IGSF9B: variants seen among roughly 807,000 people sequenced by gnomAD.
IGSF9B encodes the protein immunoglobulin superfamily member 9B.
A neutral mutation model predicts 143.7 loss-of-function variants in IGSF9B; 48 were observed. The observed-to-expected ratio is 0.33, with a 90% confidence interval of 0.26 to 0.42. The LOEUF (loss-of-function observed/expected upper bound fraction) is 0.42, where lower values mean the gene tolerates loss of function less well. IGSF9B is among the 20% of genes least tolerant of loss of function. IGSF9B has a pLI of 1.00. For synonymous variants in IGSF9B, 903 were observed against 833.1 expected (o/e 1.08, Z -1.44); for missense variants, 1,706 against 1,980.0 (o/e 0.86, Z 2.63).
chr11:133,944,402 A>T (rs941631211), intron 2 of IGSF9B, 36 bp from the exon 3 acceptor site: 5 of 1,609,594 alleles, frequency 3.1e-6, no homozygotes, highest in Non-Finnish European at 4.2e-6. Context: ...CCCACAGGCC[A>T]TCAGGTAAGG....
rs775830934 is a variant in IGSF9B, at chr11:133,931,800, C to G, written c.1111-5G>C. On this transcript the variant is annotated splice_polypyrimidine_tract_variant and splice_region_variant and intron_variant, in intron 8 of 19. Transcript: ENST00000533871. The surrounding 1 kb of genome is among the most constrained non-coding windows in gnomAD (Gnocchi z 7.7). ...CATCAGGGTCCAACCGAGGTTCTGC[C>G]AGACACAGACGATAGGGCAGGGAAC... is the stretch of plus-strand genomic sequence containing the variant. 1.4e-5 allele frequency: 22 copies of G among 1,611,336 alleles called. No homozygotes were observed. The South Asian group carries it at 2.3e-4, about 17-fold the overall frequency.
At chr11:133,922,101 C>G (rs1027044573) in intron 17 of IGSF9B, 76 bp downstream of exon 17, 2 of 1,218,660 alleles carry the variant, frequency 1.6e-6, no homozygotes, top group Non-Finnish European at 1.2e-6. Context: ...TAACATGGGG[C>G]TGGGTAAGGC....
Position 133,930,967 on chromosome 11 carries a change from C to A in IGSF9B, c.1519+17G>T, listed in dbSNP as rs377622319. 3 of 1,599,582 alleles carry A rather than the reference C, an allele frequency of 1.9e-6. No individual in the cohort carries two copies. The highest frequency in any genetic ancestry group is 2.6e-6 in the Non-Finnish European group (3 of 1,172,376). ...GCTCTGTCCCCGCCGCCCGGCCCAG[C>A]CTTGCCGGCCACGTACCGATGACGG... On this transcript the variant is annotated intron_variant, in intron 11 of 19. Coordinates refer to ENST00000533871, the MANE Select transcript of IGSF9B (RefSeq NM_001277285.4).
rs759978244 is a variant in IGSF9B at position 133,944,191 on chromosome 11, G to A, written c.409+29C>T. 6 of 1,573,412 alleles carry A rather than the reference G, an allele frequency of 3.8e-6. No individual in the cohort carries two copies. In the Admixed American group the frequency reaches 1.0e-4, roughly 27 times the overall value. ...GCCCTCAGGCACCGTTGATGGTGAG[G>A]TGGACCCACCCTGGAAGCCGTCACT... On this transcript the variant is annotated intron_variant, in intron 3 of 19. Coordinates refer to ENST00000533871, the MANE Select transcript of IGSF9B (RefSeq NM_001277285.4).
chr11:133,946,266 G>C lies in IGSF9B; in HGVS notation c.65-8C>G. 1 of 1,611,634 alleles carries C rather than the reference G, an allele frequency of 6.2e-7. No homozygotes were observed. Among genetic ancestry groups the C allele is most frequent in the Non-Finnish European group, 8.5e-7 (1 of 1,178,986 alleles). On this transcript the variant is annotated splice_polypyrimidine_tract_variant and splice_region_variant and intron_variant, in intron 1 of 19. Coordinates refer to ENST00000533871, the MANE Select transcript of IGSF9B (RefSeq NM_001277285.4). ...CTCGCAGGCCGTGGGCGCCTGATGG[G>C]GACGGCCAGGTTGGACACAGAAAGG... is the stretch of plus-strand genomic sequence containing the variant.
At chr11:133,934,376 C>A (rs1591718994) in intron 7 of IGSF9B, among the ~76,000 whole-genome samples, 1 of 152,344 alleles carries the variant, frequency 6.6e-6, no homozygotes, top group East Asian at 1.9e-4. Flanking sequence ...ACGGGTCTCT[C>A]CTTCCTGCAG....
chr11:133,923,754 CCT>C (rs1409480209), intron 15 of IGSF9B, among the ~76,000 whole-genome samples: 16 of 152,356 alleles, frequency 1.1e-4, no homozygotes, highest in African/African-American at 2.6e-4. Flanking sequence ...TCCTCCTTCC[CCT>C]GTGTGGAAGT....
rs1939676581 is a variant in IGSF9B, at chr11:133,928,972, GAAT to G, written c.1631+696_1631+698del. On this transcript the variant is annotated intron_variant, in intron 12 of 19. Transcript: ENST00000533871. The surrounding 1 kb of genome is among the most constrained non-coding windows in gnomAD (Gnocchi z 4.7). ...TTCTGTGGCCTCTGGGGAAAAGACA[GAAT>G]AAAAACTAGACTACAGGAGGTGGGG... 6.6e-6 allele frequency among the ~76,000 whole-genome samples: 1 copy of G among 152,164 alleles called. No homozygotes were observed. The highest frequency in any genetic ancestry group is 2.4e-5 in the African/African-American group (1 of 41,442).
In IGSF9B at chr11:133,918,868, G is replaced by A. The variant is rs61908382; in HGVS notation, c.3983+874C>T. On this transcript the variant is annotated intron_variant, in intron 18 of 19. Coordinates refer to ENST00000533871, the MANE Select transcript of IGSF9B (RefSeq NM_001277285.4). ...CCGGGGGCACTACAGAGGCGTGGCC[G>A]GCTCTTCCGAACCCAAAGGCGATGG... Among the ~76,000 whole-genome samples, 215 of 151,712 alleles carry A rather than the reference G, an allele frequency of 1.4e-3. 1 individual carries two copies. The highest frequency in any genetic ancestry group is 2.8e-3 in the Non-Finnish European group (188 of 67,878).
At chr11:133,916,368 G>A (rs1420718859) in intron 18 of IGSF9B, among the ~76,000 whole-genome samples, 3 of 152,324 alleles carry the variant, frequency 2.0e-5, no homozygotes, top group African/African-American at 2.4e-5. Flanking sequence ...GAGAACGCAC[G>A]TGGACAAGAG....
rs1248397809 is a variant in IGSF9B at position 133,898,651 on chromosome 11, T to C, written c.*10418A>G. 6.5e-6 allele frequency: 1 copy of C among 154,264 alleles called. No individual in the cohort carries two copies. Among genetic ancestry groups the C allele is most frequent in the Non-Finnish European group, 1.5e-5 (1 of 68,200 alleles). 9.6% of individuals were successfully genotyped at this position (154,264 alleles called of 1,614,324 possible). A position where few individuals can be genotyped will look rare whatever the true frequency, so the allele number is the denominator to read the frequency against. ...ATGGGAGGTCAAGACCTTCTGACAC[T>C]GATACAGACGACTTAGCAAGTGGAG... On this transcript the variant is annotated 3_prime_UTR_variant, in exon 20 of 20. Coordinates refer to ENST00000533871, the MANE Select transcript of IGSF9B (RefSeq NM_001277285.4).
At position 133,928,982 on chromosome 11, in the gene IGSF9B, T is replaced by C. The variant is rs768186295; in HGVS notation, c.1631+689A>G. Among the ~76,000 whole-genome samples the C allele has an allele frequency of 5.3e-5, 8 of 152,086 alleles. No individual in the cohort carries two copies. Among genetic ancestry groups the C allele is most frequent in the Non-Finnish European group, 8.8e-5 (6 of 68,000 alleles). Reference sequence around the variant, plus strand: ...TCTGGGGAAAAGACAGAATAAAAACTAGACTACAGGAGGTGGGGAGGGTGA... The same window carrying C: ...TCTGGGGAAAAGACAGAATAAAAACCAGACTACAGGAGGTGGGGAGGGTGA... On this transcript the variant is annotated intron_variant, in intron 12 of 19. Coordinates refer to ENST00000533871, the MANE Select transcript of IGSF9B (RefSeq NM_001277285.4). The surrounding 1 kb of genome is among the most constrained non-coding windows in gnomAD (Gnocchi z 4.7).
At chr11:133,911,513 T>C (rs1387923000) in intron 19 of IGSF9B, among the ~76,000 whole-genome samples, 3 of 152,230 alleles carry the variant, frequency 2.0e-5, no homozygotes, top group Non-Finnish European at 2.9e-5. Context: ...TCTGTACTAT[T>C]TGTGTTGTTT....
intron 1 of IGSF9B, among the ~76,000 whole-genome samples, chr11:133,947,230 A>G (rs555831198): frequency 2.0e-5 from 3 of 152,070 alleles, no homozygotes; most frequent in Non-Finnish European, 4.4e-5. Context: ...CCTGGGCCCA[A>G]AGAAGGCATG....
intron 14 of IGSF9B, 59 bp downstream of exon 14, chr11:133,925,680 T>A: frequency 6.9e-7 from 1 of 1,458,682 alleles, no homozygotes; most frequent in South Asian, 1.2e-5. Flanking sequence ...CCAGTGCCTC[T>A]AGAGTCTTGT....
At position 133,922,309 on chromosome 11, in the gene IGSF9B, G is replaced by T. The variant is rs1939555501; in HGVS notation, c.2282-87C>A. The T allele has an allele frequency of 2.1e-5, 26 of 1,251,442 alleles. No individual in the cohort carries two copies. In the South Asian group the frequency reaches 3.3e-4, roughly 16 times the overall value. The allele number at this position is 1,251,442 out of a possible 1,614,324, so 77.5% of individuals were successfully genotyped here. A position where few individuals can be genotyped will look rare whatever the true frequency, so the allele number is the denominator to read the frequency against. On this transcript the variant is annotated intron_variant, in intron 16 of 19. Coordinates refer to ENST00000533871, the MANE Select transcript of IGSF9B (RefSeq NM_001277285.4). ...ATCTGCAGAGGCTGACAGAGCCGGA[G>T]CACCACCGCACAGGGAAGGAGCTGC...
chr11:133,908,706 A>C lies in IGSF9B; in HGVS notation c.*363T>G, dbSNP rs1939251532. On this transcript the variant is annotated 3_prime_UTR_variant, in exon 20 of 20. Coordinates refer to ENST00000533871, the MANE Select transcript of IGSF9B (RefSeq NM_001277285.4). ...AAGTCCAGCCTTCTTCCAGGACTTG[A>C]AAAACTGAAACAGAAGCAGAGAGCA... 2 of 217,862 alleles carry C rather than the reference A, an allele frequency of 9.2e-6. No individual in the cohort carries two copies. The highest frequency in any genetic ancestry group is 9.2e-6 in the Non-Finnish European group (1 of 108,444). 13.5% of individuals were successfully genotyped at this position (217,862 alleles called of 1,614,324 possible). A position where few individuals can be genotyped will look rare whatever the true frequency, so the allele number is the denominator to read the frequency against.
rs1054100288 is a variant in IGSF9B at position 133,908,145 on chromosome 11, G to A, written c.*924C>T. Reference sequence around the variant, plus strand: ...CCTGGCTGGGCGGAAGGGCGCCGACGGATGCGCTGGACATGTGCACCAGAG... The same window carrying A: ...CCTGGCTGGGCGGAAGGGCGCCGACAGATGCGCTGGACATGTGCACCAGAG... On this transcript the variant is annotated 3_prime_UTR_variant, in exon 20 of 20. Transcript: ENST00000533871. Among the ~76,000 whole-genome samples the A allele has an allele frequency of 6.6e-5, 10 of 152,196 alleles. No individual in the cohort carries two copies. Among genetic ancestry groups the A allele is most frequent in the Admixed American group, 3.3e-4 (5 of 15,294 alleles).
chr11:133,910,739 GA>G (rs1330934367), intron 19 of IGSF9B, among the ~76,000 whole-genome samples: 2 of 152,168 alleles, frequency 1.3e-5, no homozygotes, highest in Non-Finnish European at 2.9e-5. Flanking sequence ...CTGGTAACAG[GA>G]CCACTGCCAT....
Sources: allele counts gnomAD v4.1 joint callset (sites outside exome capture counted in the v4.1 genomes callset), GRCh38; gene constraint gnomAD v4.1.1; non-coding constraint Gnocchi (gnomAD v3.1); transcripts MANE v1.5; gene names NCBI Gene and HGNC (gene_info 2026-07-23, HGNC 2026-07-21).